Variants in DISP1 observed in about 807,000 individuals in gnomAD.
DISP1 encodes the protein protein dispatched homolog 1.
Under a neutral mutation model 37.3 loss-of-function variants are expected in DISP1, and 30 were observed. The ratio of observed to expected loss-of-function variants is 0.80; its 90% confidence interval spans 0.60 to 1.09. The LOEUF (loss-of-function observed/expected upper bound fraction) is 1.09. DISP1 is among the 50% of genes least tolerant of loss of function. The pLI is 0.00. For missense variants in DISP1, 1,598 were observed against 1,879.5 expected (o/e 0.85, Z 2.77); for synonymous variants, 634 against 690.2 (o/e 0.92, Z 1.28).
At chr1:222,861,568 C>A (rs887954247) in intron 1 of DISP1, among the ~76,000 whole-genome samples, 4 of 152,186 alleles carry the variant, frequency 2.6e-5, no homozygotes, top group African/African-American at 9.7e-5. Flanking sequence ...TGTCACTTAA[C>A]CTCTTCTCTG....
chr1:222,874,336 A>G (rs1039735674), intron 1 of DISP1, among the ~76,000 whole-genome samples: 2 of 151,772 alleles, frequency 1.3e-5, no homozygotes, highest in African/African-American at 2.4e-5. Context: ...TGCTAGATTG[A>G]GGAAGTTCTC....
chr1:222,829,770 A>G (rs1024842898), intron 1 of DISP1, among the ~76,000 whole-genome samples: 1 of 152,044 alleles, frequency 6.6e-6, no homozygotes, highest in Non-Finnish European at 1.5e-5. Context: ...TTAGAGCAGT[A>G]TTTTCTATAT....
At chr1:222,979,656 C>T (rs954210257) in intron 3 of DISP1, 3 of 470,984 alleles carry the variant, frequency 6.4e-6, no homozygotes, top group African/African-American at 6.0e-5. Flanking sequence ...TTCATGGCTT[C>T]TTCAGATGTG....
chr1:223,003,490 T>C lies in DISP1; in HGVS notation c.2093T>C (p.Ile698Thr). 1 of 1,614,238 alleles carries C rather than the reference T, an allele frequency of 6.2e-7. No homozygotes were observed. The highest frequency in any genetic ancestry group is 8.5e-7 in the Non-Finnish European group (1 of 1,180,040). ...AAGTGCCACAAAGTACTCTTTGCCA[T>C]TTCAGAAGCATCTCGAATTTTTTTC... ...CQKCHKVLFA[I>T]SEASRIFFEK... is the part of the protein sequence containing the mutation. The change falls in exon 9 of 9, where the codon ATT becomes ACT. Residue 698 changes from isoleucine to threonine, a missense_variant. Ile to Thr is a moderately conservative substitution (Grantham distance 89). Coordinates refer to ENST00000675850, the MANE Select transcript of DISP1 (RefSeq NM_001377229.1). This position sits in a 1 kb window ranked among gnomAD's most constrained non-coding sequence, Gnocchi z 4.3.
At chr1:222,950,677 C>T (rs1675157695) in intron 3 of DISP1, among the ~76,000 whole-genome samples, 1 of 151,978 alleles carries the variant, frequency 6.6e-6, no homozygotes, top group African/African-American at 2.4e-5. Flanking sequence ...TGTCCCCAAT[C>T]TACGTCCTGA....
intron 7 of DISP1, among the ~76,000 whole-genome samples, chr1:222,993,472 A>G (rs552519156): frequency 6.6e-6 from 1 of 152,310 alleles, no homozygotes; most frequent in South Asian, 2.1e-4. Flanking sequence ...CTGTCTTATT[A>G]GAACACTAGA....
intron 1 of DISP1, chr1:222,836,974 A>G (rs569086759): frequency 5.0e-6 from 2 of 398,210 alleles, no homozygotes; most frequent in East Asian, 3.6e-5. Flanking sequence ...TCCAGTAGCC[A>G]TTCTGCTTTT....
chr1:222,964,551 T>C (rs1438528791), intron 3 of DISP1, among the ~76,000 whole-genome samples: 3 of 152,182 alleles, frequency 2.0e-5, no homozygotes, highest in African/African-American at 4.8e-5. Context: ...CCTGAGATCA[T>C]AGAACTGAAA....
intron 2 of DISP1, among the ~76,000 whole-genome samples, chr1:222,937,481 G>C (rs1674037998): frequency 6.6e-6 from 1 of 152,082 alleles, no homozygotes; most frequent in African/African-American, 2.4e-5. Context: ...ATATATACAA[G>C]GGTATTAACA....
At chr1:222,946,872 G>T (rs1241443183) in intron 3 of DISP1, among the ~76,000 whole-genome samples, 1 of 152,170 alleles carries the variant, frequency 6.6e-6, no homozygotes. Context: ...GTGGAAGAGA[G>T]AGTGGTAGCA....
intron 2 of DISP1, among the ~76,000 whole-genome samples, chr1:222,932,968 A>G (rs141341316): frequency 0.015 from 2,271 of 152,096 alleles, 33 homozygotes; most frequent in Middle Eastern, 0.048. Context: ...CTGTTCCCAC[A>G]TAGACCAAAG....
intron 1 of DISP1, among the ~76,000 whole-genome samples, chr1:222,925,728 C>T (rs189645450): frequency 6.6e-6 from 1 of 152,106 alleles, no homozygotes; most frequent in Non-Finnish European, 1.5e-5. Context: ...ACAGCAGCAG[C>T]AGCAGCATCC....
intron 1 of DISP1, among the ~76,000 whole-genome samples, chr1:222,870,050 T>C (rs985271114): frequency 6.6e-6 from 1 of 152,206 alleles, no homozygotes; most frequent in African/African-American, 2.4e-5. Context: ...TTTGGTTTTT[T>C]GTCCTTGCGA....
intron 3 of DISP1, among the ~76,000 whole-genome samples, chr1:222,952,456 T>C (rs771410654): frequency 1.6e-4 from 24 of 152,332 alleles, no homozygotes; most frequent in Admixed American, 7.2e-4. Flanking sequence ...TGACAGTGAA[T>C]ACTTTTTTGT....
chr1:222,894,782 C>T (rs912261391), intron 1 of DISP1, among the ~76,000 whole-genome samples: 1 of 152,258 alleles, frequency 6.6e-6, no homozygotes. Flanking sequence ...CCGGCTGTGC[C>T]TCCCCTGCTA....
At chr1:222,881,558 T>C (rs1670281725) in intron 1 of DISP1, among the ~76,000 whole-genome samples, 1 of 152,234 alleles carries the variant, frequency 6.6e-6, no homozygotes, top group Non-Finnish European at 1.5e-5. Flanking sequence ...GAAGTATTAA[T>C]AACAAGATGT....
At chr1:222,980,431 G>A (rs1558066653) in intron 3 of DISP1, among the ~76,000 whole-genome samples, 3 of 151,898 alleles carry the variant, frequency 2.0e-5, no homozygotes, top group Admixed American at 6.6e-5. Flanking sequence ...GTGTGTGTGT[G>A]TGTGTGTGTA....
At chr1:222,989,486 C>T (rs550476073) in intron 4 of DISP1, 1 of 985,392 alleles carries the variant, frequency 1.0e-6, no homozygotes, top group South Asian at 4.7e-5. Context: ...GATCCAGGAC[C>T]TCATGGAAGG....
chr1:222,894,202 C>G (rs552634251), intron 1 of DISP1, among the ~76,000 whole-genome samples: 1 of 152,170 alleles, frequency 6.6e-6, no homozygotes, highest in Non-Finnish European at 1.5e-5. Flanking sequence ...ACTGACAGCC[C>G]GGTCCCCAGG....
Sources: allele counts gnomAD v4.1 joint callset (sites outside exome capture counted in the v4.1 genomes callset), GRCh38; gene constraint gnomAD v4.1.1; non-coding constraint Gnocchi (gnomAD v3.1); transcripts MANE v1.5; gene names NCBI Gene and HGNC (gene_info 2026-07-23, HGNC 2026-07-21).